Variants in SLC4A10 observed in about 807,000 individuals in gnomAD.
The protein encoded by SLC4A10 is solute carrier family 4 member 10, also known as sodium-driven chloride bicarbonate exchanger.
SLC4A10 carries 42 observed loss-of-function variants against 137.7 expected under a neutral mutation model. The ratio of observed to expected loss-of-function variants is 0.30; its 90% CI spans 0.24 to 0.39. The LOEUF (loss-of-function observed/expected upper bound fraction) is 0.39, where lower values mean the gene tolerates loss of function less well. Ranked by LOEUF, SLC4A10 falls within the 10% of genes least tolerant of loss-of-function variation. The probability of loss-of-function intolerance (pLI) is 1.00; values close to 1 mark genes in which losing one functional copy is unlikely to be tolerated. For missense variants in SLC4A10, 925 were observed against 1,355.0 expected (o/e 0.68, Z 4.98); for synonymous variants, 474 against 464.1 (o/e 1.02, Z -0.27).
chr2:161,668,163 C>A (rs774631862), intron 1 of SLC4A10, among the ~76,000 whole-genome samples: 3 of 151,738 alleles, frequency 2.0e-5, no homozygotes, highest in Non-Finnish European at 4.4e-5. Flanking sequence ...TATGGAATGT[C>A]AGATTGTCAT....
In SLC4A10 at chr2:161,873,877, C is replaced by CATGGTGTA. The variant is rs760643559; in HGVS notation, c.859-38_859-31dup. 1.3e-5 allele frequency: 21 copies of CATGGTGTA among 1,566,044 alleles called. No homozygotes were observed. In the South Asian group the frequency reaches 2.4e-4, roughly 18 times the overall value. On this transcript the variant is annotated intron_variant, in intron 7 of 26. Transcript: ENST00000446997. ...GTGCCTGGCGGAGTCTCCGTGGGAG[C>CATGGTGTA]ATGGTGTACCAGCTTAAGTCTGTTA...
intron 15 of SLC4A10, among the ~76,000 whole-genome samples, chr2:161,937,377 A>T (rs999008674): frequency 6.6e-6 from 1 of 152,132 alleles, no homozygotes; most frequent in Non-Finnish European, 1.5e-5. Flanking sequence ...CCTATCTCAG[A>T]TCCATACCCC....
At chr2:161,932,251 A>G (rs1472562269) in intron 15 of SLC4A10, among the ~76,000 whole-genome samples, 1 of 152,214 alleles carries the variant, frequency 6.6e-6, no homozygotes, top group Non-Finnish European at 1.5e-5. Context: ...AGACATTTGC[A>G]GACCTATGAT....
intron 2 of SLC4A10, among the ~76,000 whole-genome samples, chr2:161,779,612 A>G (rs944916434): frequency 6.6e-6 from 1 of 151,998 alleles, no homozygotes; most frequent in African/African-American, 2.4e-5. Context: ...AATATTTTGC[A>G]ACTAAATTGA....
intron 3 of SLC4A10, among the ~76,000 whole-genome samples, chr2:161,815,374 C>T (rs769192295): frequency 1.3e-5 from 2 of 152,086 alleles, no homozygotes; most frequent in East Asian, 1.9e-4. Context: ...GCTCTTTGCT[C>T]GCTCGCTCTT....
At position 161,738,597 on chromosome 2, in the gene SLC4A10, A is replaced by C. The variant is rs558980004; in HGVS notation, c.49-32376A>C. Among the ~76,000 whole-genome samples the C allele has an allele frequency of 2.6e-5, 4 of 152,372 alleles. No homozygotes were observed. In the South Asian group the frequency reaches 8.3e-4, roughly 32 times the overall value. The stretch of plus-strand genomic sequence containing the variant: ...ATGTCCAGTTAGGTTACAGTTCACT[A>C]TGTATGGAGAAATTTTTAGGCCAAA... On this transcript the variant is annotated intron_variant, in intron 1 of 26. Coordinates refer to ENST00000446997, the MANE Select transcript of SLC4A10 (RefSeq NM_001178015.2).
At chr2:161,844,982 T>C (rs938840277) in intron 4 of SLC4A10, among the ~76,000 whole-genome samples, 2 of 152,148 alleles carry the variant, frequency 1.3e-5, no homozygotes, top group African/African-American at 4.8e-5. Flanking sequence ...ATCCCTCACA[T>C]CTCATTCATG....
At chr2:161,807,976 A>G (rs570622166) in intron 3 of SLC4A10, among the ~76,000 whole-genome samples, 1 of 152,186 alleles carries the variant, frequency 6.6e-6, no homozygotes, top group South Asian at 2.1e-4. Context: ...GAAGATGTTA[A>G]GAAAGGAGAT....
chr2:161,624,447 G>T lies in SLC4A10; in HGVS notation c.-72G>T. 2 of 1,549,400 alleles carry T rather than the reference G, an allele frequency of 1.3e-6. No individual in the cohort carries two copies. The highest frequency in any genetic ancestry group is 2.4e-5 in the South Asian group (2 of 83,906). ...ACCTGATCCGAATACTAAGCAGAGC[G>T]AGTGCCGGGCTGAGTGTAAGACACT... On this transcript the variant is annotated 5_prime_UTR_variant, in exon 1 of 27. Transcript: ENST00000446997.
intron 1 of SLC4A10, among the ~76,000 whole-genome samples, chr2:161,736,986 G>A (rs1379235250): frequency 6.6e-6 from 1 of 151,790 alleles, no homozygotes; most frequent in Non-Finnish European, 1.5e-5. Context: ...TCAGCCTCCA[G>A]AGTAGTTGGA....
rs1048991380 is a variant in SLC4A10 at position 161,872,284 on chromosome 2, C to G, written c.767-9C>G. On this transcript the variant is annotated splice_polypyrimidine_tract_variant and intron_variant, in intron 6 of 26. Transcript: ENST00000446997. ...ATTGTTTGTATTCTGTCACAACAAT[C>G]TCTTTTAGCAGGTCAGGTTGTTTCT... is the stretch of plus-strand genomic sequence containing the variant. 1.2e-6 allele frequency: 2 copies of G among 1,607,822 alleles called. No homozygotes were observed. The highest frequency in any genetic ancestry group is 8.5e-7 in the Non-Finnish European group (1 of 1,174,734).
At position 161,957,378 on chromosome 2, in the gene SLC4A10, A is replaced by T. The variant is rs1459384177; in HGVS notation, c.2793+138A>T. 3.8e-6 allele frequency: 4 copies of T among 1,055,680 alleles called. No homozygotes were observed. The South Asian group carries it at 5.2e-5, about 14-fold the overall frequency. The allele number at this position is 1,055,680 out of a possible 1,614,324, so 65.4% of individuals were successfully genotyped here. ...AGTGATGAATTTCTGAACCATGTTT[A>T]TATAATTCTTCATAACCTAAGGGAG... On this transcript the variant is annotated intron_variant, in intron 20 of 26. Coordinates refer to ENST00000446997, the MANE Select transcript of SLC4A10 (RefSeq NM_001178015.2).
chr2:161,816,299 C>T (rs7594116), intron 3 of SLC4A10, among the ~76,000 whole-genome samples: 9,956 of 151,962 alleles, frequency 0.066, 383 homozygotes, highest in African/African-American at 0.1. Flanking sequence ...ATTCAACTTC[C>T]GAAGAAGTAT....
At chr2:161,972,050 G>A (rs554108600) in intron 23 of SLC4A10, among the ~76,000 whole-genome samples, 2 of 152,214 alleles carry the variant, frequency 1.3e-5, no homozygotes, top group African/African-American at 2.4e-5. Flanking sequence ...AGCACTGACG[G>A]CACTGTTCTT....
rs186947106 is a variant in SLC4A10 at position 161,756,336 on chromosome 2, C to A, written c.49-14637C>A. On this transcript the variant is annotated intron_variant, in intron 1 of 26. Transcript: ENST00000446997. ...GAAGAATTAAACTATATGATATTAA[C>A]CTGATGAAATAGTATGCAGCAATTA... Among the ~76,000 whole-genome samples, 87 of 152,150 alleles carry A rather than the reference C, an allele frequency of 5.7e-4. No individual in the cohort carries two copies. The Middle Eastern group carries it at 0.01, about 18-fold the overall frequency.
intron 18 of SLC4A10, among the ~76,000 whole-genome samples, chr2:161,950,266 C>A (rs186524407): frequency 2.0e-5 from 3 of 152,148 alleles, no homozygotes; most frequent in Admixed American, 2.0e-4. Flanking sequence ...GTCAATGTGT[C>A]AATATGCTAT....
intron 10 of SLC4A10, among the ~76,000 whole-genome samples, chr2:161,885,149 G>C (rs1203528894): frequency 6.6e-6 from 1 of 152,138 alleles, no homozygotes; most frequent in Non-Finnish European, 1.5e-5. Context: ...CTGCACTCCA[G>C]CCTGGGTGAT....
chr2:161,748,136 G>T (rs1315835129), intron 1 of SLC4A10, among the ~76,000 whole-genome samples: 1 of 152,064 alleles, frequency 6.6e-6, no homozygotes, highest in African/African-American at 2.4e-5. Flanking sequence ...TTGCTATTGA[G>T]TTGTGTAAGT....
chr2:161,941,344 C>T (rs934924028), intron 15 of SLC4A10, among the ~76,000 whole-genome samples: 1 of 152,210 alleles, frequency 6.6e-6, no homozygotes, highest in South Asian at 2.1e-4. Flanking sequence ...AACTGAAAAG[C>T]AGGTGCTTCG....
Sources: allele counts gnomAD v4.1 joint callset (sites outside exome capture counted in the v4.1 genomes callset), GRCh38; gene constraint gnomAD v4.1.1; transcripts MANE v1.5; gene names NCBI Gene and HGNC (gene_info 2026-07-23, HGNC 2026-07-21).